The following SYN3 variants were observed in gnomAD, a reference collection of about 807,000 sequenced individuals.
The protein encoded by SYN3 is synapsin III, also known as synapsin-3.
A neutral mutation model predicts 65.8 loss-of-function variants in SYN3; 35 were observed. The observed-to-expected ratio is 0.53, with a 90% CI of 0.41 to 0.70. The LOEUF is 0.70. Ranked by LOEUF, SYN3 falls within the 30% of genes least tolerant of loss-of-function variation. The pLI is 0.00. For missense variants in SYN3, 680 were observed against 749.0 expected (o/e 0.91, Z 1.08); for synonymous variants, 270 against 292.9 (o/e 0.92, Z 0.80).
chr22:32,786,915 G>C (rs1455294047), intron 6 of SYN3, among the ~76,000 whole-genome samples: 2 of 152,092 alleles, frequency 1.3e-5, no homozygotes, highest in Non-Finnish European at 2.9e-5. Flanking sequence ...GGCAGACTCT[G>C]GGGGCTGGAA....
At chr22:32,947,064 G>A (rs939343695) in intron 3 of SYN3, among the ~76,000 whole-genome samples, 1 of 152,150 alleles carries the variant, frequency 6.6e-6, no homozygotes, top group Non-Finnish European at 1.5e-5. Flanking sequence ...GGTGGAAAAG[G>A]GATTGGCCTT....
chr22:32,541,198 C>T (rs571498598), intron 8 of SYN3, among the ~76,000 whole-genome samples: 2 of 152,270 alleles, frequency 1.3e-5, no homozygotes, highest in African/African-American at 4.8e-5. Flanking sequence ...AAACACAGAT[C>T]AGACCCTTTG....
intron 6 of SYN3, among the ~76,000 whole-genome samples, chr22:32,659,658 A>C (rs1406916876): frequency 6.6e-6 from 1 of 152,186 alleles, no homozygotes; most frequent in Admixed American, 6.5e-5. Flanking sequence ...AAGGTGTTTC[A>C]GATATTCTTA....
In SYN3 at chr22:33,037,996, TAA is replaced by T. The variant is rs375298521; in HGVS notation, c.-163+20294_-163+20295del. ...TGAATAAAATAAGAATGCATGAAGT[TAA>T]AAAAAAAAAGGAATAAAAACAAAAG... On this transcript the variant is annotated intron_variant, in intron 1 of 13. Transcript: ENST00000358763. 6.1e-3 allele frequency among the ~76,000 whole-genome samples: 891 copies of T among 146,176 alleles called. 7 individuals carry two copies. Among genetic ancestry groups the T allele is most frequent in the South Asian group, 0.029 (134 of 4,584 alleles).
intron 2 of SYN3, among the ~76,000 whole-genome samples, chr22:32,983,606 C>G (rs905989445): frequency 2.1e-5 from 3 of 144,546 alleles, no homozygotes; most frequent in African/African-American, 7.7e-5. Context: ...GACTCGAAAG[C>G]AAGATTTTGA....
At chr22:32,550,588 T>A (rs2058398589) in intron 7 of SYN3, among the ~76,000 whole-genome samples, 1 of 151,972 alleles carries the variant, frequency 6.6e-6, no homozygotes, top group African/African-American at 2.4e-5. Context: ...AATAAATAAG[T>A]GTTGTAATCT....
chr22:32,999,618 G>A (rs1308905695), intron 2 of SYN3, among the ~76,000 whole-genome samples: 2 of 152,204 alleles, frequency 1.3e-5, no homozygotes, highest in East Asian at 1.9e-4. Context: ...CGGAGGTGGA[G>A]GTTGCAGTGA....
Position 32,994,697 on chromosome 22 carries a change from G to A in SYN3, c.311+11655C>T, listed in dbSNP as rs184172747. 3.7e-3 allele frequency among the ~76,000 whole-genome samples: 567 copies of A among 152,260 alleles called. 3 individuals are homozygous for A. Among genetic ancestry groups the A allele is most frequent in the African/African-American group, 0.012 (514 of 41,550 alleles). On this transcript the variant is annotated intron_variant, in intron 2 of 13. Transcript: ENST00000358763. Reference sequence around the variant, plus strand: ...TTGGAGTCGGCACCTCATCCTCACAGCGGAGGGACTGCCAGCCCGCCAGGA... The same window carrying A: ...TTGGAGTCGGCACCTCATCCTCACAACGGAGGGACTGCCAGCCCGCCAGGA...
chr22:32,564,932 G>T (rs2058645441), intron 7 of SYN3, among the ~76,000 whole-genome samples: 1 of 140,800 alleles, frequency 7.1e-6, no homozygotes, highest in Non-Finnish European at 1.5e-5. Context: ...AGTGCTCCCG[G>T]ATTGTACCCA....
chr22:32,595,460 C>A (rs2059185611), intron 7 of SYN3, among the ~76,000 whole-genome samples: 1 of 152,172 alleles, frequency 6.6e-6, no homozygotes, highest in Non-Finnish European at 1.5e-5. Context: ...ACACTTGCAA[C>A]TGAAGGAGTC....
At chr22:32,755,948 A>C (rs969889216) in intron 6 of SYN3, among the ~76,000 whole-genome samples, 19 of 152,192 alleles carry the variant, frequency 1.2e-4, no homozygotes, top group African/African-American at 4.3e-4. Context: ...GGAAACCATC[A>C]TTCTCAGCAA....
At chr22:32,853,631 C>T (rs1053901560) in intron 6 of SYN3, among the ~76,000 whole-genome samples, 11 of 152,180 alleles carry the variant, frequency 7.2e-5, no homozygotes, top group African/African-American at 2.7e-4. Context: ...AAGAACAACC[C>T]ACTTATGTCT....
chr22:32,877,434 G>C (rs545042991), intron 4 of SYN3, among the ~76,000 whole-genome samples: 29 of 152,282 alleles, frequency 1.9e-4, no homozygotes, highest in African/African-American at 5.8e-4. Context: ...CTAGAATAGG[G>C]TTTCCCAACC....
chr22:32,973,989 A>G (rs139881526), intron 3 of SYN3, among the ~76,000 whole-genome samples: 2 of 152,116 alleles, frequency 1.3e-5, no homozygotes, highest in African/African-American at 2.4e-5. Flanking sequence ...GGGTTTCGCC[A>G]TGTTGGCTAG....
intron 6 of SYN3, among the ~76,000 whole-genome samples, chr22:32,756,087 G>A (rs187792799): frequency 0.011 from 1,715 of 152,082 alleles, 15 homozygotes; most frequent in Non-Finnish European, 0.019. Context: ...GGGGGCTTGG[G>A]GAGGGATAGC....
chr22:32,715,716 T>C (rs1268280620), intron 6 of SYN3, among the ~76,000 whole-genome samples: 1 of 147,128 alleles, frequency 6.8e-6, no homozygotes, highest in African/African-American at 2.5e-5. Flanking sequence ...GAGGCAGAGG[T>C]TGCAGTGAGC....
intron 3 of SYN3, among the ~76,000 whole-genome samples, chr22:32,977,503 T>C (rs2052236955): frequency 6.6e-6 from 1 of 152,098 alleles, no homozygotes; most frequent in Non-Finnish European, 1.5e-5. Context: ...CCCAGCACGT[T>C]GGGAGGCCGA....
At chr22:32,642,018 G>A (rs924823255) in intron 6 of SYN3, among the ~76,000 whole-genome samples, 4 of 152,140 alleles carry the variant, frequency 2.6e-5, no homozygotes, top group Admixed American at 1.3e-4. Context: ...GCCCGGGTGC[G>A]GTGGGTCACA....
chr22:33,053,198 G>A (rs1201868064), intron 1 of SYN3, among the ~76,000 whole-genome samples: 1 of 152,214 alleles, frequency 6.6e-6, no homozygotes, highest in African/African-American at 2.4e-5. Flanking sequence ...CGAGGTGGGT[G>A]TATCACCTGA....
Sources: gnomAD v4.1 joint callset for allele counts (sites outside exome capture counted in the v4.1 genomes callset) on GRCh38, gnomAD v4.1.1 for gene constraint, MANE v1.5 for transcripts, NCBI Gene and HGNC (gene_info 2026-07-23, HGNC 2026-07-21) for gene names.